CACNA1B: variants seen among roughly 807,000 people sequenced by gnomAD.
CACNA1B encodes the protein calcium voltage-gated channel subunit alpha1 B.
CACNA1B carries 70 observed loss-of-function variants against 247.2 expected under a neutral mutation model. The ratio of observed to expected loss-of-function variants is 0.28; its 90% CI spans 0.23 to 0.35. CACNA1B has a LOEUF of 0.35. Among genes scored for constraint, CACNA1B ranks in the 10% least tolerant of loss-of-function variants. CACNA1B has a pLI of 1.00. For synonymous variants in CACNA1B, 1,231 were observed against 1,294.4 expected (o/e 0.95, Z 1.05); for missense variants, 2,367 against 3,197.4 (o/e 0.74, Z 6.26).
chr9:138,086,355 T>C (rs2131329528), intron 36 of CACNA1B, among the ~76,000 whole-genome samples: 1 of 151,164 alleles, frequency 6.6e-6, no homozygotes, highest in African/African-American at 2.4e-5. Flanking sequence ...AAAGCAGGCT[T>C]TAAGTCAAAA....
Position 138,023,038 on chromosome 9 carries a change from C to T in CACNA1B, c.2295C>T (p.Arg765=). 6.6e-7 allele frequency: 1 copy of T among 1,525,008 alleles called. No individual in the cohort carries two copies. Among genetic ancestry groups the T allele is most frequent in the Non-Finnish European group, 8.7e-7 (1 of 1,142,864 alleles). 94.5% of individuals were successfully genotyped at this position (1,525,008 alleles called of 1,614,324 possible). The change falls in exon 19 of 47, where the codon CGC becomes CGT. Residue 765 remains arginine (R), a synonymous_variant. Coordinates refer to ENST00000371372, the MANE Select transcript of CACNA1B (RefSeq NM_000718.4). The stretch of plus-strand genomic sequence containing the variant: ...GGCAGCAGAACTCGGCCAAGGCGCG[C>T]TCGGTGTGGGAGCAGCGGGCCAGCC... ...AARQQNSAKA[R]SVWEQRASQL... is the part of the protein sequence containing the mutation.
intron 36 of CACNA1B, among the ~76,000 whole-genome samples, chr9:138,095,603 A>T (rs1961028101): frequency 1.3e-5 from 2 of 152,254 alleles, no homozygotes; most frequent in Non-Finnish European, 2.9e-5. Context: ...ATGACCCAGT[A>T]ATTTCACTCC....
At chr9:138,111,041 A>G (rs1961611736) in intron 39 of CACNA1B, among the ~76,000 whole-genome samples, 2 of 151,960 alleles carry the variant, frequency 1.3e-5, no homozygotes, top group Admixed American at 1.3e-4. Context: ...AATGCTTTTC[A>G]GAATGACAAT....
rs1958370604 is a variant in CACNA1B at position 137,986,965 on chromosome 9, A to G, written c.1974+111A>G. 1 of 844,280 alleles carries G rather than the reference A, an allele frequency of 1.2e-6. No homozygotes were observed. Among genetic ancestry groups the G allele is most frequent in the Admixed American group, 1.7e-5 (1 of 58,248 alleles). The allele number at this position is 844,280 out of a possible 1,614,324, so 52.3% of individuals were successfully genotyped here. A position where few individuals can be genotyped will look rare whatever the true frequency, so the allele number is the denominator to read the frequency against. On this transcript the variant is annotated intron_variant, in intron 15 of 46. Coordinates refer to ENST00000371372, the MANE Select transcript of CACNA1B (RefSeq NM_000718.4). This position sits in a 1 kb window ranked among gnomAD's most constrained non-coding sequence, Gnocchi z 6.0. ...TCCCTTGTTCCTCCACACGGCCCAG[A>G]TCACTGACTTTTCAGACACAGTGTT...
intron 20 of CACNA1B, among the ~76,000 whole-genome samples, chr9:138,028,204 G>A (rs1564246526): frequency 6.6e-6 from 1 of 151,652 alleles, no homozygotes; most frequent in Admixed American, 6.6e-5. Flanking sequence ...TGTATTTTTA[G>A]TAGAGATAGG....
chr9:138,039,305 T>C (rs1421630305), intron 20 of CACNA1B, among the ~76,000 whole-genome samples: 1 of 152,232 alleles, frequency 6.6e-6, no homozygotes, highest in Non-Finnish European at 1.5e-5. Context: ...TGTATTTATC[T>C]CTTTTCTTCT....
rs60717941 is a variant in CACNA1B at position 138,011,823 on chromosome 9, T to G, written c.2161-1306T>G. ...GTTTCTGCCAGCGTTGCGCCCCGAATGCAGATTCAAGGACATTTTAGGGAA... is the reference window on the plus strand; with the variant it reads ...GTTTCTGCCAGCGTTGCGCCCCGAAGGCAGATTCAAGGACATTTTAGGGAA... On this transcript the variant is annotated intron_variant, in intron 17 of 46. Coordinates refer to ENST00000371372, the MANE Select transcript of CACNA1B (RefSeq NM_000718.4). The surrounding 1 kb of genome is among the most constrained non-coding windows in gnomAD (Gnocchi z 4.2). Among the ~76,000 whole-genome samples the G allele has an allele frequency of 0.013, 1,990 of 152,286 alleles. 78 individuals carry two copies. In the East Asian group the frequency reaches 0.15, roughly 12 times the overall value.
chr9:137,982,404 C>T (rs1385431492), intron 12 of CACNA1B, among the ~76,000 whole-genome samples: 2 of 152,170 alleles, frequency 1.3e-5, no homozygotes, highest in African/African-American at 4.8e-5. Context: ...GTTAAGAGTT[C>T]CCAAGACAGA....
At chr9:138,114,267 C>CT in intron 40 of CACNA1B, 111 bp from the exon 41 acceptor site, 1 of 647,108 alleles carries the variant, frequency 1.5e-6, no homozygotes, top group South Asian at 1.8e-5. Context: ...TTCCAGGAGT[C>CT]TTTGTGGGGG....
chr9:138,023,561 C>T lies in CACNA1B; in HGVS notation c.2818C>T (p.His940Tyr). The T allele has an allele frequency of 5.5e-6, 6 of 1,090,948 alleles. No homozygotes were observed. The highest frequency in any genetic ancestry group is 5.6e-6 in the Non-Finnish European group (5 of 892,510). 67.6% of individuals were successfully genotyped at this position (1,090,948 alleles called of 1,614,324 possible). A position where few individuals can be genotyped will look rare whatever the true frequency, so the allele number is the denominator to read the frequency against. ...GCCCCGACGCCACCGCGCGCACCGG[C>T]ACCAGGATCCGAGCAAGGAGTGCGC... Reference protein sequence around the residue: ...REPRRHRAHRHQDPSKECAGA... With the variant: ...REPRRHRAHRYQDPSKECAGA... Residue 940 changes from histidine (H) to tyrosine (Y), a missense_variant, in exon 19 of 47, where the codon CAC (histidine) becomes TAC (tyrosine). Transcript: ENST00000371372.
In CACNA1B at chr9:137,947,975, C is replaced by CTTTTT. The variant is rs71387878; in HGVS notation, c.967-4280_967-4276dup. ...TAAAGTTGAGAAGTTTTCAGCATTC[C>CTTTTT]TTTTTTTTTTTTTTTTTTTTTTTGA... On this transcript the variant is annotated intron_variant, in intron 6 of 46. Transcript: ENST00000371372. 1.1e-3 allele frequency among the ~76,000 whole-genome samples: 85 copies of CTTTTT among 79,408 alleles called. 1 individual carries two copies. Among genetic ancestry groups the CTTTTT allele is most frequent in the African/African-American group, 1.1e-3 (19 of 16,840 alleles). 52.1% of individuals were successfully genotyped at this position (79,408 alleles called of 152,430 possible). A position where few individuals can be genotyped will look rare whatever the true frequency, so the allele number is the denominator to read the frequency against.
intron 15 of CACNA1B, among the ~76,000 whole-genome samples, chr9:137,987,342 T>C (rs1024497305): frequency 2.6e-5 from 4 of 152,190 alleles, no homozygotes; most frequent in African/African-American, 9.7e-5. Flanking sequence ...GACGGAGACC[T>C]TGTTGGCTCA....
intron 16 of CACNA1B, among the ~76,000 whole-genome samples, chr9:138,008,719 G>A (rs951070124): frequency 3.3e-5 from 5 of 152,226 alleles, no homozygotes; most frequent in Admixed American, 6.5e-5. Flanking sequence ...GTGGTGAAAC[G>A]GGCTGGATCA....
At chr9:137,933,168 C>T (rs1957627043) in intron 6 of CACNA1B, among the ~76,000 whole-genome samples, 1 of 152,068 alleles carries the variant, frequency 6.6e-6, no homozygotes, top group Non-Finnish European at 1.5e-5. Flanking sequence ...CTTCTGACCT[C>T]ATGATCTGCC....
intron 12 of CACNA1B, 96 bp downstream of exon 12, chr9:137,976,115 C>T: frequency 2.6e-6 from 2 of 775,976 alleles, no homozygotes; most frequent in Non-Finnish European, 4.4e-6. Context: ...GGGCTGGGGT[C>T]TGTGACCCTA....
intron 20 of CACNA1B, among the ~76,000 whole-genome samples, chr9:138,029,048 A>G (rs953445364): frequency 6.6e-6 from 1 of 152,222 alleles, no homozygotes; most frequent in African/African-American, 2.4e-5. Context: ...TGTTCCCCAC[A>G]TTATTTTGTT....
intron 3 of CACNA1B, chr9:137,892,033 CTG>C (rs1957107422): frequency 4.4e-6 from 2 of 457,284 alleles, no homozygotes; most frequent in Non-Finnish European, 8.8e-6. Flanking sequence ...TGTGCGGCCT[CTG>C]TGTCTTCTCC....
chr9:138,117,185 G>A (rs1961897277), intron 42 of CACNA1B, among the ~76,000 whole-genome samples: 1 of 152,240 alleles, frequency 6.6e-6, no homozygotes, highest in African/African-American at 2.4e-5. Flanking sequence ...TCCGGGTGGG[G>A]CTGTTGGGGC....
chr9:138,038,135 AT>A (rs1564251563), intron 20 of CACNA1B, among the ~76,000 whole-genome samples: 1 of 152,190 alleles, frequency 6.6e-6, no homozygotes, highest in African/African-American at 2.4e-5. Flanking sequence ...CTAGAAGAAA[AT>A]TATTCTTGTA....
Sources: gnomAD v4.1 joint callset for allele counts (sites outside exome capture counted in the v4.1 genomes callset) on GRCh38, gnomAD v4.1.1 for gene constraint, Gnocchi (gnomAD v3.1) non-coding constraint, MANE v1.5 for transcripts, NCBI Gene and HGNC (gene_info 2026-07-23, HGNC 2026-07-21) for gene names.